Variants in TLK1 observed in about 807,000 individuals in gnomAD.
TLK1 encodes the protein tousled like kinase 1, also known as serine/threonine-protein kinase tousled-like 1.
A neutral mutation model predicts 105.3 loss-of-function variants in TLK1; 24 were observed. The ratio of observed to expected loss-of-function variants is 0.23; its 90% CI spans 0.17 to 0.32. TLK1 has a LOEUF of 0.32. TLK1 is among the 10% of genes least tolerant of loss of function. The pLI is 1.00. For missense variants in TLK1, 558 were observed against 910.5 expected (o/e 0.61, Z 4.98); for synonymous variants, 321 against 310.4 (o/e 1.03, Z -0.36).
intron 1 of TLK1, among the ~76,000 whole-genome samples, chr2:171,228,278 A>C (rs1693935969): frequency 6.6e-6 from 1 of 152,210 alleles, no homozygotes. Context: ...TAATATTCAC[A>C]ACCTGTTAGG....
upstream of TLK1, among the ~76,000 whole-genome samples, chr2:171,165,775 G>A (rs574880504): frequency 3.7e-4 from 57 of 152,288 alleles, 1 homozygote; most frequent in South Asian, 0.011. Flanking sequence ...GCCAGGCATG[G>A]TGGCGCACAC....
chr2:171,061,229 C>T, intron 3 of TLK1, 73 bp from the exon 4 acceptor site: 1 of 1,506,854 alleles, frequency 6.6e-7, no homozygotes, highest in Admixed American at 1.8e-5. Flanking sequence ...AACATAAAAC[C>T]ATGTTTCGAG....
chr2:171,227,229 G>T (rs1165609065), intron 1 of TLK1, among the ~76,000 whole-genome samples: 1 of 152,136 alleles, frequency 6.6e-6, no homozygotes, highest in African/African-American at 2.4e-5. Context: ...ATAAATACAT[G>T]ACCCAGCCCT....
At chr2:171,014,716 C>T in intron 13 of TLK1, 135 bp downstream of exon 13, 2 of 659,098 alleles carry the variant, frequency 3.0e-6, no homozygotes. Flanking sequence ...AAAGGCCTTC[C>T]AAGCCATGGG....
chr2:171,184,232 G>T (rs1338851323), intron 1 of TLK1, among the ~76,000 whole-genome samples: 1 of 152,168 alleles, frequency 6.6e-6, no homozygotes, highest in East Asian at 1.9e-4. Context: ...AAAGCAGAAA[G>T]CCCTGCTGAC....
chr2:171,004,864 C>A (rs1684573719), intron 18 of TLK1, among the ~76,000 whole-genome samples: 1 of 152,082 alleles, frequency 6.6e-6, no homozygotes, highest in Non-Finnish European at 1.5e-5. Context: ...GAATAGTTTT[C>A]TTAAAATATG....
chr2:171,042,339 G>A (rs1241519817), intron 11 of TLK1, among the ~76,000 whole-genome samples: 2 of 152,024 alleles, frequency 1.3e-5, no homozygotes, highest in African/African-American at 2.4e-5. Flanking sequence ...CAAACTCCTG[G>A]GCTCAAGAGA....
intron 3 of TLK1, among the ~76,000 whole-genome samples, chr2:171,080,287 A>C (rs1349028888): frequency 6.6e-6 from 1 of 151,894 alleles, no homozygotes; most frequent in Admixed American, 6.6e-5. Flanking sequence ...AAATTGGAGA[A>C]TGGATTACCA....
In TLK1 at chr2:171,086,729, G is replaced by C. The variant is rs547415832; in HGVS notation, c.259-3877C>G. On this transcript the variant is annotated intron_variant, in intron 2 of 20. Transcript: ENST00000431350. ...TTTTACAGCTTTTGCTGAGGGGAAG[G>C]TCCCGGAGATCAGAGCTGCACAAAC... Among the ~76,000 whole-genome samples the C allele has an allele frequency of 3.9e-5, 6 of 152,138 alleles. No homozygotes were observed. The East Asian group carries it at 1.2e-3, about 29-fold the overall frequency.
chr2:171,175,791 C>T (rs1219643079), intron 1 of TLK1, among the ~76,000 whole-genome samples: 1 of 152,170 alleles, frequency 6.6e-6, no homozygotes, highest in Non-Finnish European at 1.5e-5. Flanking sequence ...GCCACAACTA[C>T]CTCCCATGGA....
chr2:171,192,115 A>AC (rs1693166361), intron 1 of TLK1, among the ~76,000 whole-genome samples: 1 of 151,790 alleles, frequency 6.6e-6, no homozygotes, highest in South Asian at 2.1e-4. Context: ...TGCAGCTTTG[A>AC]CCTCCCGGGC....
At chr2:171,074,884 G>C (rs1008611638) in intron 3 of TLK1, among the ~76,000 whole-genome samples, 3 of 151,994 alleles carry the variant, frequency 2.0e-5, no homozygotes, top group African/African-American at 7.2e-5. Flanking sequence ...CAGATTTAAA[G>C]AGAGTTAGTC....
chr2:171,195,215 A>G (rs986354627), intron 1 of TLK1, among the ~76,000 whole-genome samples: 2 of 152,138 alleles, frequency 1.3e-5, no homozygotes, highest in South Asian at 4.1e-4. Context: ...TGTATAAAAC[A>G]TAATCCGGCC....
At chr2:171,174,264 G>T (rs535803268) in intron 1 of TLK1, among the ~76,000 whole-genome samples, 15 of 152,002 alleles carry the variant, frequency 9.9e-5, no homozygotes, top group African/African-American at 2.9e-4. Flanking sequence ...CACTTCCTTT[G>T]CCTTCCTCCA....
intron 1 of TLK1, among the ~76,000 whole-genome samples, 195 bp from the exon 2 acceptor site, chr2:171,118,052 C>T (rs1342896225): frequency 6.6e-6 from 1 of 152,180 alleles, no homozygotes; most frequent in African/African-American, 2.4e-5. Context: ...GGATTTCCAA[C>T]ACTTTTGGCT....
At chr2:171,223,349 G>C (rs1229457445) in intron 1 of TLK1, among the ~76,000 whole-genome samples, 1 of 151,992 alleles carries the variant, frequency 6.6e-6, no homozygotes, top group Non-Finnish European at 1.5e-5. Flanking sequence ...TTTTAACTGG[G>C]GTGAGATGAT....
chr2:171,027,259 C>T (rs1470594449), intron 12 of TLK1, among the ~76,000 whole-genome samples: 1 of 152,136 alleles, frequency 6.6e-6, no homozygotes, highest in African/African-American at 2.4e-5. Flanking sequence ...ACCTATAATT[C>T]AGCCTATTTA....
At chr2:171,123,411 CA>C (rs1431067425) in intron 1 of TLK1, among the ~76,000 whole-genome samples, 1 of 152,080 alleles carries the variant, frequency 6.6e-6, no homozygotes, top group Non-Finnish European at 1.5e-5. Flanking sequence ...CCATGTTGGC[CA>C]AGCTGTTTTT....
At chr2:171,154,452 T>C (rs1310100201) in intron 1 of TLK1, 1 of 152,094 alleles carries the variant, frequency 6.6e-6, no homozygotes, top group Non-Finnish European at 1.5e-5. Flanking sequence ...AAACTGAATT[T>C]TGGGCCCAAC....
Sources: gnomAD v4.1 joint callset for allele counts (sites outside exome capture counted in the v4.1 genomes callset) on GRCh38, gnomAD v4.1.1 for gene constraint, MANE v1.5 for transcripts, NCBI Gene and HGNC (gene_info 2026-07-23, HGNC 2026-07-21) for gene names.